The following GPC5 variants were observed in gnomAD, a reference collection of about 807,000 sequenced individuals.
GPC5 encodes glypican 5.
Under a neutral mutation model 53.9 loss-of-function variants are expected in GPC5, and 47 were observed. The observed-to-expected ratio is 0.87, with a 90% CI of 0.69 to 1.11. GPC5 has a LOEUF of 1.11. Among genes scored for constraint, GPC5 ranks in the 50% most tolerant of loss-of-function variants. The pLI is 0.00. For missense variants in GPC5, 748 were observed against 713.1 expected (o/e 1.05, Z -0.56); for synonymous variants, 286 against 263.3 (o/e 1.09, Z -0.84).
chr13:92,110,175 T>C (rs2138925951), intron 6 of GPC5, among the ~76,000 whole-genome samples: 1 of 152,268 alleles, frequency 6.6e-6, no homozygotes, highest in South Asian at 2.1e-4. Context: ...AACACAGGAT[T>C]GGCTCTATCT....
Position 92,309,118 on chromosome 13 carries a change from A to T in GPC5, c.1561+164129A>T, listed in dbSNP as rs984983767. ...ATAGCATCTGCAGCAGAATGAAGTG[A>T]ATATAGACCCTATTGTGCACATTGT... On this transcript the variant is annotated intron_variant, in intron 7 of 7. Coordinates refer to ENST00000377067, the MANE Select transcript of GPC5 (RefSeq NM_004466.6). Among the ~76,000 whole-genome samples the T allele has an allele frequency of 5.3e-5, 8 of 152,258 alleles. No homozygotes were observed. In the East Asian group the frequency reaches 1.4e-3, roughly 26 times the overall value.
At chr13:92,496,572 G>A (rs1480072486) in intron 7 of GPC5, among the ~76,000 whole-genome samples, 2 of 152,112 alleles carry the variant, frequency 1.3e-5, no homozygotes, top group Non-Finnish European at 2.9e-5. Flanking sequence ...AAAACAAAAG[G>A]GAATAGGTAT....
At chr13:92,300,573 C>G (rs955129170) in intron 7 of GPC5, among the ~76,000 whole-genome samples, 17 of 152,078 alleles carry the variant, frequency 1.1e-4, no homozygotes, top group Admixed American at 8.5e-4. Flanking sequence ...ATTCAAAAAG[C>G]CTTGGAAAAT....
chr13:92,023,775 T>C (rs932028113), intron 6 of GPC5, among the ~76,000 whole-genome samples: 9 of 151,992 alleles, frequency 5.9e-5, no homozygotes, highest in African/African-American at 2.2e-4. Context: ...CTATTTAGTA[T>C]CCTCAAACCA....
intron 7 of GPC5, among the ~76,000 whole-genome samples, chr13:92,614,027 A>C (rs1884595905): frequency 6.6e-6 from 1 of 152,110 alleles, no homozygotes; most frequent in Non-Finnish European, 1.5e-5. Flanking sequence ...GAAAATTATC[A>C]GCTTATGAAG....
At chr13:92,759,619 T>G (rs1875074679) in intron 7 of GPC5, among the ~76,000 whole-genome samples, 1 of 152,032 alleles carries the variant, frequency 6.6e-6, no homozygotes, top group Non-Finnish European at 1.5e-5. Flanking sequence ...TTTGGTGGAG[T>G]CTTTAGGGCT....
intron 7 of GPC5, among the ~76,000 whole-genome samples, chr13:92,506,282 A>C (rs536742245): frequency 6.6e-6 from 1 of 152,224 alleles, no homozygotes; most frequent in South Asian, 2.1e-4. Flanking sequence ...TTTTTCAAAA[A>C]CTTCATATGA....
chr13:91,674,624 C>T (rs989922407), intron 2 of GPC5, among the ~76,000 whole-genome samples: 5 of 126,072 alleles, frequency 4.0e-5, no homozygotes, highest in East Asian at 4.8e-4. Context: ...TGTATATATA[C>T]GCATATATAT....
At chr13:92,200,974 G>GACACACAC (rs66619017) in intron 7 of GPC5, among the ~76,000 whole-genome samples, 7 of 147,030 alleles carry the variant, frequency 4.8e-5, no homozygotes, top group South Asian at 4.3e-4. Flanking sequence ...CAGGCACTCA[G>GACACACAC]ACACACACAC....
intron 7 of GPC5, among the ~76,000 whole-genome samples, chr13:92,264,864 C>G: frequency 8.7e-6 from 1 of 114,978 alleles, no homozygotes; most frequent in South Asian, 2.8e-4. Flanking sequence ...GTCTCTCTCT[C>G]TCTCTCTCTC....
chr13:92,400,828 A>G (rs923929575), intron 7 of GPC5, among the ~76,000 whole-genome samples: 3 of 152,172 alleles, frequency 2.0e-5, no homozygotes, highest in African/African-American at 4.8e-5. Context: ...TCCTTTCTAC[A>G]TTTCAAACTT....
At chr13:91,399,599 A>G (rs1012525072) in intron 1 of GPC5, among the ~76,000 whole-genome samples, 2 of 152,164 alleles carry the variant, frequency 1.3e-5, no homozygotes, top group Admixed American at 6.5e-5. Context: ...CTTTCTCATA[A>G]GGTGGAGGGA....
At chr13:91,608,045 TAAAC>T (rs1394279729) in intron 2 of GPC5, among the ~76,000 whole-genome samples, 10 of 152,320 alleles carry the variant, frequency 6.6e-5, no homozygotes, top group African/African-American at 1.9e-4. Context: ...TTCATATTAT[TAAAC>T]AAATCAAATT....
chr13:91,823,995 T>C (rs2038536265), intron 5 of GPC5, among the ~76,000 whole-genome samples: 1 of 152,032 alleles, frequency 6.6e-6, no homozygotes, highest in African/African-American at 2.4e-5. Context: ...ATCGAGACCA[T>C]TCTTCAGGAC....
At position 92,527,176 on chromosome 13, in the gene GPC5, A is replaced by G. The variant is rs199748346; in HGVS notation, c.1562-339106A>G. On this transcript the variant is annotated intron_variant, in intron 7 of 7. Transcript: ENST00000377067. ...AGAAAGAAAGAAAGAAAGAAAGAGA[A>G]AGAAAGAAGAAAGAAAGAAAGAAAG... is the stretch of plus-strand genomic sequence containing the variant. Among the ~76,000 whole-genome samples, 135 of 80,932 alleles carry G rather than the reference A, an allele frequency of 1.7e-3. 2 individuals carry two copies. The highest frequency in any genetic ancestry group is 2.6e-3 in the Non-Finnish European group (91 of 35,188). The allele number at this position is 80,932 out of a possible 152,430, so 53.1% of individuals were successfully genotyped here. A position where few individuals can be genotyped will look rare whatever the true frequency, so the allele number is the denominator to read the frequency against.
intron 7 of GPC5, among the ~76,000 whole-genome samples, chr13:92,207,817 A>G (rs574377343): frequency 1.5e-4 from 23 of 152,144 alleles, no homozygotes; most frequent in African/African-American, 5.3e-4. Context: ...AGTTGGTGCA[A>G]TATATTCTAT....
chr13:92,387,581 A>G (rs769481274), intron 7 of GPC5, among the ~76,000 whole-genome samples: 6 of 152,180 alleles, frequency 3.9e-5, no homozygotes, highest in Non-Finnish European at 8.8e-5. Flanking sequence ...GGTTCTCTAA[A>G]GTTTTAAAAT....
chr13:92,263,666 A>C (rs1029394261), intron 7 of GPC5, among the ~76,000 whole-genome samples: 9 of 152,160 alleles, frequency 5.9e-5, no homozygotes, highest in Non-Finnish European at 1.0e-4. Flanking sequence ...GGTATTTATT[A>C]TTCCCATTTA....
chr13:92,106,737 G>A (rs1379214727), intron 6 of GPC5, among the ~76,000 whole-genome samples: 1 of 151,956 alleles, frequency 6.6e-6, no homozygotes. Context: ...TTTTGGCCAA[G>A]GCTTCCATTC....
Sources: allele counts gnomAD v4.1 joint callset (sites outside exome capture counted in the v4.1 genomes callset), GRCh38; gene constraint gnomAD v4.1.1; transcripts MANE v1.5; gene names NCBI Gene and HGNC (gene_info 2026-07-23, HGNC 2026-07-21).